The following DROSHA variants were observed in gnomAD, a reference collection of about 807,000 sequenced individuals.
DROSHA encodes the protein ribonuclease 3.
DROSHA carries 56 observed loss-of-function variants against 181.9 expected under a neutral mutation model. That is an observed-to-expected ratio of 0.31 (90% CI 0.25 to 0.38). DROSHA has a LOEUF of 0.38. Ranked by LOEUF, DROSHA falls within the 10% of genes least tolerant of loss-of-function variation. The pLI, the probability that DROSHA is intolerant of heterozygous loss-of-function variation, is 1.00. For missense variants in DROSHA, 1,218 were observed against 1,743.5 expected (o/e 0.70, Z 5.37); for synonymous variants, 524 against 591.2 (o/e 0.89, Z 1.65).
intron 5 of DROSHA, among the ~76,000 whole-genome samples, chr5:31,523,952 G>A (rs561413254): frequency 1.7e-4 from 24 of 145,424 alleles, no homozygotes; most frequent in African/African-American, 6.2e-4. Flanking sequence ...TCCAGCCTGG[G>A]GAACAAAAGC....
chr5:31,499,432 AGAT>A (rs1327433855), intron 11 of DROSHA, among the ~76,000 whole-genome samples: 6 of 152,210 alleles, frequency 3.9e-5, no homozygotes, highest in Non-Finnish European at 8.8e-5. Flanking sequence ...CAAGCAATGA[AGAT>A]GCCATCACTG....
At chr5:31,507,001 C>G (rs528894998) in intron 10 of DROSHA, among the ~76,000 whole-genome samples, 9 of 152,224 alleles carry the variant, frequency 5.9e-5, no homozygotes, top group Non-Finnish European at 1.2e-4. Context: ...TCTTGCGAAA[C>G]AGGAAACAAC....
intron 6 of DROSHA, among the ~76,000 whole-genome samples, chr5:31,517,574 G>A (rs746161518): frequency 6.6e-6 from 1 of 152,092 alleles, no homozygotes; most frequent in Non-Finnish European, 1.5e-5. Context: ...TTTATTAGAT[G>A]TACGTAATAC....
chr5:31,516,050 G>C (rs1292215253), intron 6 of DROSHA, among the ~76,000 whole-genome samples: 2 of 152,176 alleles, frequency 1.3e-5, no homozygotes, highest in Non-Finnish European at 2.9e-5. Flanking sequence ...AAGCCCAGGG[G>C]TTCCAGACCA....
At chr5:31,440,378 T>C (rs139102159) in intron 23 of DROSHA, among the ~76,000 whole-genome samples, 455 of 152,384 alleles carry the variant, frequency 3.0e-3, no homozygotes, top group African/African-American at 0.011. Context: ...CCATATATAG[T>C]AGAAAATTTA....
In DROSHA at chr5:31,495,368, A is replaced by G; in HGVS notation, c.1673T>C (p.Ile558Thr). The G allele has an allele frequency of 1.9e-6, 3 of 1,613,462 alleles. No individual in the cohort carries two copies. Among genetic ancestry groups the G allele is most frequent in the Non-Finnish European group, 2.5e-6 (3 of 1,179,672 alleles). Residue 558 changes from isoleucine to threonine, a missense_variant, in exon 12 of 36, where the codon ATC becomes ACC. Physicochemically the swap from Ile to Thr is moderately conservative, Grantham distance 89. Transcript: ENST00000344624. ...RHSIYPGEEA[I>T]KPCRPMTNNA... ...GTTGGTCATAGGACGACAGGGCTTG[A>G]TGGCCTGAGGGGAAAAAAACGAAAA...
intron 27 of DROSHA, 52 bp downstream of exon 27, chr5:31,429,423 A>T: frequency 6.7e-7 from 1 of 1,491,234 alleles, no homozygotes; most frequent in South Asian, 1.3e-5. Context: ...CTGAAATAAA[A>T]TATTCTGTAA....
chr5:31,487,875 G>C (rs1751961876), intron 13 of DROSHA, among the ~76,000 whole-genome samples: 1 of 151,972 alleles, frequency 6.6e-6, no homozygotes, highest in African/African-American at 2.4e-5. Context: ...ACAAAATTTT[G>C]CATGATTCAA....
intron 3 of DROSHA, 99 bp from the exon 4 acceptor site, chr5:31,529,204 T>A: frequency 1.0e-6 from 1 of 972,598 alleles, no homozygotes; most frequent in Non-Finnish European, 1.5e-6. Context: ...TTTTGTAGTT[T>A]CCAATACACT....
chr5:31,406,294 T>TA (rs770949289), intron 34 of DROSHA, among the ~76,000 whole-genome samples: 3 of 151,950 alleles, frequency 2.0e-5, no homozygotes, highest in Non-Finnish European at 4.4e-5. Context: ...TGGGACCACT[T>TA]GAGGTCAGAA....
chr5:31,467,994 T>A lies in DROSHA; in HGVS notation c.2311A>T (p.Ile771Phe). 1 of 1,612,006 alleles carries A rather than the reference T, an allele frequency of 6.2e-7. No homozygotes were observed. Among genetic ancestry groups the A allele is most frequent in the Non-Finnish European group, 8.5e-7 (1 of 1,179,104 alleles). The change falls in exon 18 of 36, where the codon ATT (isoleucine) becomes TTT (phenylalanine). Residue 771 changes from isoleucine (I) to phenylalanine (F), a missense_variant. Coordinates refer to ENST00000344624, the MANE Select transcript of DROSHA (RefSeq NM_001382508.1). ...QFNPDVITFP[I>F]IVHFGIRPAQ... ...GGGCGTATCCCAAAGTGGACGATAA[T>A]CGGAAAAGTAATCACATCGGGGTTG...
At chr5:31,478,084 G>A (rs1449665661) in intron 16 of DROSHA, among the ~76,000 whole-genome samples, 1 of 152,096 alleles carries the variant, frequency 6.6e-6, no homozygotes, top group Non-Finnish European at 1.5e-5. Context: ...TAAACAAAAA[G>A]CAAGTCAGAA....
In DROSHA at chr5:31,409,551, A is replaced by C. The variant is rs1424859772; in HGVS notation, c.3668-219T>G. On this transcript the variant is annotated intron_variant, in intron 31 of 35. Coordinates refer to ENST00000344624, the MANE Select transcript of DROSHA (RefSeq NM_001382508.1). This position sits in a 1 kb window ranked among gnomAD's most constrained non-coding sequence, Gnocchi z 4.0. ...GCAAATCATAGAGTACAAACACCAAACTGCATTTAGCTAAGGGCTAAAGGA... is the reference window on the plus strand; with the variant it reads ...GCAAATCATAGAGTACAAACACCAACCTGCATTTAGCTAAGGGCTAAAGGA... 4 of 527,734 alleles carry C rather than the reference A, an allele frequency of 7.6e-6. No homozygotes were observed. The highest frequency in any genetic ancestry group is 1.4e-5 in the Non-Finnish European group (4 of 291,788). 32.7% of individuals were successfully genotyped at this position (527,734 alleles called of 1,614,324 possible). A position where few individuals can be genotyped will look rare whatever the true frequency, so the allele number is the denominator to read the frequency against.
In DROSHA at chr5:31,493,936, ATT is replaced by A. The variant is rs1491503465; in HGVS notation, c.1756-645_1756-644del. Reference sequence around the variant, plus strand: ...CCTTATGCCATTCTTATAACCCACCATTGTGTGTGTGTGTGTGTGTGTGTGTG... The same window carrying A: ...CCTTATGCCATTCTTATAACCCACCAGTGTGTGTGTGTGTGTGTGTGTGTG... On this transcript the variant is annotated intron_variant, in intron 12 of 35. Coordinates refer to ENST00000344624, the MANE Select transcript of DROSHA (RefSeq NM_001382508.1). Among the ~76,000 whole-genome samples, 299 of 127,698 alleles carry A rather than the reference ATT, an allele frequency of 2.3e-3. 1 individual carries two copies. The highest frequency in any genetic ancestry group is 5.2e-3 in the African/African-American group (164 of 31,642). The allele number at this position is 127,698 out of a possible 152,430, so 83.8% of individuals were successfully genotyped here.
intron 16 of DROSHA, 79 bp downstream of exon 16, chr5:31,483,475 C>A: frequency 7.0e-7 from 1 of 1,436,286 alleles, no homozygotes; most frequent in Non-Finnish European, 9.7e-7. Context: ...AAAGTTGTCC[C>A]TGAAGACTGA....
Position 31,486,495 on chromosome 5 carries a change from G to A in DROSHA, c.1910C>T (p.Pro637Leu), listed in dbSNP as rs1008113408. Residue 637 changes from proline to leucine, a missense_variant, in exon 14 of 36, where the codon CCG becomes CTG. Physicochemically the swap from Pro to Leu is moderately conservative, Grantham distance 98 (BLOSUM62 -3). Around this residue, in one of 8 missense-constraint regions of DROSHA, gnomAD observed 460 missense variants for 774.2 expected, o/e 0.59. Transcript: ENST00000344624. ...YTIHFIEEMM[P>L]ENFCVKGLEL... ...ACACACAATCTTTTCCCTTACCTCC[G>A]GCATCATCTCTTCAATGAAATGAAT... The A allele has an allele frequency of 1.2e-6, 2 of 1,613,474 alleles. No homozygotes were observed. Among genetic ancestry groups the A allele is most frequent in the Non-Finnish European group, 1.7e-6 (2 of 1,179,726 alleles).
intron 14 of DROSHA, 55 bp from the exon 15 acceptor site, chr5:31,485,017 G>C: frequency 8.1e-7 from 1 of 1,227,610 alleles, no homozygotes; most frequent in Non-Finnish European, 1.2e-6. Context: ...TACATTAACT[G>C]AAGGTTCAAC....
intron 5 of DROSHA, among the ~76,000 whole-genome samples, chr5:31,521,463 G>A (rs564158931): frequency 6.2e-4 from 95 of 152,256 alleles, no homozygotes; most frequent in African/African-American, 2.2e-3. Flanking sequence ...ATGATGCTAC[G>A]CAATAATGGG....
intron 13 of DROSHA, among the ~76,000 whole-genome samples, chr5:31,490,183 T>G (rs932872502): frequency 2.2e-5 from 2 of 90,882 alleles, no homozygotes; most frequent in African/African-American, 1.2e-4. Flanking sequence ...GCCCTTTTCC[T>G]TTTTTTTTTT....
Sources: gnomAD v4.1 joint callset for allele counts (sites outside exome capture counted in the v4.1 genomes callset) on GRCh38, gnomAD v4.1.1 for gene constraint, gnomAD v4.1.1 regional missense constraint, Gnocchi (gnomAD v3.1) non-coding constraint, MANE v1.5 for transcripts, NCBI Gene and HGNC (gene_info 2026-07-23, HGNC 2026-07-21) for gene names.